Variants in CLVS1 observed in about 807,000 individuals in gnomAD.
CLVS1 encodes clavesin-1.
A neutral mutation model predicts 33.1 loss-of-function variants in CLVS1; 10 were observed. The observed-to-expected ratio is 0.30, with a 90% CI of 0.19 to 0.51. The LOEUF (loss-of-function observed/expected upper bound fraction) is 0.51, where lower values mean the gene tolerates loss of function less well. Ranked by LOEUF, CLVS1 falls within the 20% of genes least tolerant of loss-of-function variation. The pLI is 0.97. For missense variants in CLVS1, 343 were observed against 433.4 expected, an observed-to-expected ratio of 0.79 and a Z score of 1.85; for synonymous variants, 163 against 166.1, an observed-to-expected ratio of 0.98 and a Z score of 0.14.
At chr8:61,189,925 G>A (rs1221197769) in intron 2 of CLVS1, among the ~76,000 whole-genome samples, 2 of 152,148 alleles carry the variant, frequency 1.3e-5, no homozygotes, top group Non-Finnish European at 2.9e-5. Flanking sequence ...ATAATAATGG[G>A]AGACTTTAAC....
At chr8:61,217,400 T>C (rs1011062437) in intron 2 of CLVS1, among the ~76,000 whole-genome samples, 2 of 152,148 alleles carry the variant, frequency 1.3e-5, no homozygotes, top group African/African-American at 2.4e-5. Context: ...CAACAAATGT[T>C]CAAGCTCTTC....
chr8:61,440,667 CT>C (rs766336797), intron 3 of CLVS1, among the ~76,000 whole-genome samples: 25 of 152,268 alleles, frequency 1.6e-4, no homozygotes, highest in Non-Finnish European at 3.1e-4. Flanking sequence ...GCCAGTTTTG[CT>C]TAATATGGTT....
chr8:61,139,747 C>G (rs533114423), intron 2 of CLVS1, among the ~76,000 whole-genome samples: 2 of 152,258 alleles, frequency 1.3e-5, no homozygotes, highest in African/African-American at 4.8e-5. Context: ...TTCTGTTTAT[C>G]AGGAGGGCTG....
At chr8:61,424,539 A>G (rs1815807519) in intron 3 of CLVS1, among the ~76,000 whole-genome samples, 1 of 152,200 alleles carries the variant, frequency 6.6e-6, no homozygotes, top group African/African-American at 2.4e-5. Context: ...TGCCTTTATT[A>G]CTTATAAAAT....
intron 2 of CLVS1, among the ~76,000 whole-genome samples, chr8:61,187,178 T>C (rs1807359251): frequency 6.6e-6 from 1 of 152,188 alleles, no homozygotes; most frequent in Non-Finnish European, 1.5e-5. Context: ...ATGAGCATTT[T>C]GGGTTTGAGG....
intron 1 of CLVS1, among the ~76,000 whole-genome samples, chr8:61,064,818 C>G (rs1160302874): frequency 1.3e-5 from 2 of 152,090 alleles, no homozygotes; most frequent in African/African-American, 4.8e-5. Flanking sequence ...TCTCTTGCCT[C>G]AGCCTCCCGA....
intron 3 of CLVS1, among the ~76,000 whole-genome samples, chr8:61,398,719 G>A (rs1172003786): frequency 6.6e-6 from 1 of 151,728 alleles, no homozygotes; most frequent in Non-Finnish European, 1.5e-5. Flanking sequence ...CTAACCCTCC[G>A]ACAGGCCCCA....
intron 2 of CLVS1, among the ~76,000 whole-genome samples, chr8:61,211,828 GA>G (rs1358628804): frequency 1.3e-5 from 2 of 152,170 alleles, no homozygotes; most frequent in African/African-American, 2.4e-5. Flanking sequence ...GAGGGAAGCA[GA>G]AAGGTCAAAG....
chr8:61,493,734 A>T, intron 5 of CLVS1, among the ~76,000 whole-genome samples: 1 of 152,210 alleles, frequency 6.6e-6, no homozygotes, highest in East Asian at 1.9e-4. Context: ...CTATTAGGCA[A>T]TTCTGTGTTA....
chr8:61,009,950 A>C, the CLVS1 span, among the ~76,000 whole-genome samples: 1 of 152,216 alleles, frequency 6.6e-6, no homozygotes, highest in South Asian at 2.1e-4. Flanking sequence ...TATTGTGCCA[A>C]AGGTGCATTT....
chr8:61,110,369 G>T (rs1054039593), intron 1 of CLVS1, among the ~76,000 whole-genome samples: 2 of 151,974 alleles, frequency 1.3e-5, no homozygotes, highest in African/African-American at 4.8e-5. Context: ...TTTTTGAGAC[G>T]GCTTCCTCAA....
intron 2 of CLVS1, among the ~76,000 whole-genome samples, chr8:61,149,569 C>CAAAAA (rs1212944878): frequency 8.3e-6 from 1 of 120,272 alleles, no homozygotes; most frequent in Non-Finnish European, 1.7e-5. Context: ...AAAAAAAAAA[C>CAAAAA]AAAAAACAAA....
the CLVS1 span, among the ~76,000 whole-genome samples, chr8:61,026,795 C>A: frequency 6.6e-6 from 1 of 152,148 alleles, no homozygotes; most frequent in East Asian, 1.9e-4. Context: ...TTTTGCAACT[C>A]CTTAACATGA....
intron 2 of CLVS1, among the ~76,000 whole-genome samples, chr8:61,144,951 G>A (rs766457348): frequency 3.9e-5 from 6 of 152,132 alleles, no homozygotes; most frequent in Non-Finnish European, 5.9e-5. Context: ...GGCAGGTCTC[G>A]AACTCCTGAC....
intron 2 of CLVS1, among the ~76,000 whole-genome samples, chr8:61,301,857 G>A (rs1238162459): frequency 1.3e-5 from 2 of 152,132 alleles, no homozygotes; most frequent in African/African-American, 2.4e-5. Flanking sequence ...CCTTTTTCAT[G>A]TTTATGTCTT....
intron 2 of CLVS1, among the ~76,000 whole-genome samples, chr8:61,224,728 A>T (rs2129310510): frequency 6.6e-6 from 1 of 152,316 alleles, no homozygotes; most frequent in African/African-American, 2.4e-5. Context: ...ACTTTAAACC[A>T]ACAAAGATCA....
the CLVS1 span, among the ~76,000 whole-genome samples, chr8:60,974,871 T>G: frequency 1.3e-5 from 2 of 152,172 alleles, no homozygotes; most frequent in African/African-American, 4.8e-5. Context: ...GACAAACATC[T>G]ACAGCAGTAG....
chr8:61,459,881 G>C (rs1357389899), intron 5 of CLVS1, among the ~76,000 whole-genome samples: 1 of 152,154 alleles, frequency 6.6e-6, no homozygotes, highest in Admixed American at 6.5e-5. Context: ...GGCAAGGTTG[G>C]TTTCTCCTGA....
In CLVS1 at chr8:61,438,063, C is replaced by T. The variant is rs1056079775; in HGVS notation, c.631-16078C>T. The stretch of plus-strand genomic sequence containing the variant: ...TTTTAAGTTATGGGGTACATGTGCA[C>T]AATATGCAGGTTTGTTACATGGGTA... On this transcript the variant is annotated intron_variant, in intron 3 of 5. Transcript: ENST00000325897. Among the ~76,000 whole-genome samples, 5 of 152,020 alleles carry T rather than the reference C, an allele frequency of 3.3e-5. No homozygotes were observed. In the South Asian group the frequency reaches 8.3e-4, roughly 25 times the overall value.
Sources: allele counts gnomAD v4.1 joint callset (sites outside exome capture counted in the v4.1 genomes callset), GRCh38; gene constraint gnomAD v4.1.1; transcripts MANE v1.5; gene names NCBI Gene and HGNC (gene_info 2026-07-23, HGNC 2026-07-21).